The following RGS7 variants were observed in gnomAD, a reference collection of about 807,000 sequenced individuals.
The protein encoded by RGS7 is regulator of G protein signaling 7, also known as regulator of G-protein signaling 7.
In RGS7, 27 loss-of-function variants were observed where a neutral mutation model predicts 81.1. The ratio of observed to expected loss-of-function variants is 0.33; its 90% confidence interval spans 0.25 to 0.46. RGS7 has a LOEUF of 0.46. Among genes scored for constraint, RGS7 ranks in the 20% least tolerant of loss-of-function variants. RGS7 has a pLI of 1.00. For synonymous variants in RGS7, 208 were observed against 207.7 expected (o/e 1.00, Z -0.01); for missense variants, 396 against 607.4 (o/e 0.65, Z 3.66).
At chr1:241,201,550 T>C (rs1340997935) in intron 2 of RGS7, among the ~76,000 whole-genome samples, 1 of 152,176 alleles carries the variant, frequency 6.6e-6, no homozygotes, top group Admixed American at 6.5e-5. Context: ...GTGATATGTA[T>C]CCTTAAATTT....
chr1:241,039,210 G>A (rs1345169354), intron 3 of RGS7, among the ~76,000 whole-genome samples: 4 of 152,144 alleles, frequency 2.6e-5, no homozygotes, highest in African/African-American at 9.7e-5. Context: ...AATGCTGTCT[G>A]CCTCCCATTC....
intron 2 of RGS7, among the ~76,000 whole-genome samples, chr1:241,116,822 TTATATGA>T (rs1367582955): frequency 8.5e-5 from 13 of 152,178 alleles, no homozygotes; most frequent in African/African-American, 3.1e-4. Context: ...CTATTTGAAA[TTATATGA>T]TATATGTTAT....
intron 9 of RGS7, among the ~76,000 whole-genome samples, chr1:240,832,635 T>C (rs1334213554): frequency 6.6e-6 from 1 of 152,008 alleles, no homozygotes; most frequent in Non-Finnish European, 1.5e-5. Flanking sequence ...AAGGTACACT[T>C]GTGTTCAAGA....
chr1:241,116,632 AT>A (rs1355443390), intron 2 of RGS7, among the ~76,000 whole-genome samples: 1 of 152,140 alleles, frequency 6.6e-6, no homozygotes, highest in African/African-American at 2.4e-5. Flanking sequence ...TTTGACCTCT[AT>A]TTTTATATAC....
At chr1:241,128,398 A>G (rs2066837127) in intron 2 of RGS7, among the ~76,000 whole-genome samples, 1 of 152,108 alleles carries the variant, frequency 6.6e-6, no homozygotes, top group South Asian at 2.1e-4. Context: ...AGCCTGGCCA[A>G]CATGGTAAAA....
intron 2 of RGS7, among the ~76,000 whole-genome samples, chr1:241,348,932 A>G (rs966107893): frequency 1.3e-5 from 2 of 152,214 alleles, no homozygotes; most frequent in African/African-American, 4.8e-5. Context: ...ATCAAAAAAT[A>G]TGGTAACATA....
rs1050460725 is a variant in RGS7, at chr1:240,868,134, GAAAGAAAGAAAGAAAGAA to G, written c.609+435_609+452del. On this transcript the variant is annotated intron_variant, in intron 9 of 18. Coordinates refer to ENST00000440928, the MANE Select transcript of RGS7 (RefSeq NM_001364886.1). This position sits in a 1 kb window ranked among gnomAD's most constrained non-coding sequence, Gnocchi z 5.1. The stretch of plus-strand genomic sequence containing the variant: ...AAAGAAAAGGAAAGAAAGAAAGAAA[GAAAGAAAGAAAGAAAGAA>G]AGAAAGGACGGAGGGAGGGAAGGAC... Among the ~76,000 whole-genome samples, 76 of 117,208 alleles carry G rather than the reference GAAAGAAAGAAAGAAAGAA, an allele frequency of 6.5e-4. No individual in the cohort carries two copies. Among genetic ancestry groups the G allele is most frequent in the African/African-American group, 3.6e-3 (71 of 19,876 alleles). The allele number at this position is 117,208 out of a possible 152,430, so 76.9% of individuals were successfully genotyped here.
At chr1:241,192,381 C>T (rs2072756755) in intron 2 of RGS7, among the ~76,000 whole-genome samples, 1 of 152,052 alleles carries the variant, frequency 6.6e-6, no homozygotes, top group Admixed American at 6.6e-5. Flanking sequence ...TAAGAACTCA[C>T]TGCCATGTGG....
intron 6 of RGS7, among the ~76,000 whole-genome samples, chr1:240,906,038 C>T (rs900983377): frequency 6.6e-6 from 1 of 152,152 alleles, no homozygotes; most frequent in Non-Finnish European, 1.5e-5. Flanking sequence ...CATAGTCCTA[C>T]CACCCATATT....
At chr1:241,056,405 G>A (rs553051811) in intron 3 of RGS7, among the ~76,000 whole-genome samples, 2 of 152,122 alleles carry the variant, frequency 1.3e-5, no homozygotes, top group African/African-American at 4.8e-5. Context: ...ATTCATTTAC[G>A]TTTTTGTGTG....
At chr1:241,248,553 T>C (rs1002435164) in intron 2 of RGS7, among the ~76,000 whole-genome samples, 5 of 152,026 alleles carry the variant, frequency 3.3e-5, no homozygotes, top group African/African-American at 1.2e-4. Context: ...TGATCTTCGT[T>C]ACTTTGTCCC....
intron 2 of RGS7, among the ~76,000 whole-genome samples, chr1:241,310,364 A>T (rs2080436306): frequency 2.7e-5 from 4 of 150,740 alleles, no homozygotes; most frequent in Non-Finnish European, 4.4e-5. Flanking sequence ...AAGGTGTGAG[A>T]GTGTGTGTGT....
At chr1:241,213,385 T>C (rs2074365209) in intron 2 of RGS7, among the ~76,000 whole-genome samples, 1 of 152,118 alleles carries the variant, frequency 6.6e-6, no homozygotes, top group Non-Finnish European at 1.5e-5. Flanking sequence ...GCGAACCAAA[T>C]ATGACAGGAG....
intron 2 of RGS7, among the ~76,000 whole-genome samples, chr1:241,117,998 G>A (rs2065987936): frequency 6.6e-6 from 1 of 152,122 alleles, no homozygotes; most frequent in South Asian, 2.1e-4. Context: ...TCATGACCCA[G>A]CACATACATG....
Position 241,167,709 on chromosome 1 carries a change from G to A in RGS7, c.79-68947C>T, listed in dbSNP as rs144467206. Among the ~76,000 whole-genome samples the A allele has an allele frequency of 3.5e-3, 524 of 151,450 alleles. 6 individuals carry two copies. The highest frequency in any genetic ancestry group is 0.012 in the African/African-American group (481 of 41,262). On this transcript the variant is annotated intron_variant, in intron 2 of 18. Transcript: ENST00000440928. ...AATTTTTTGCATTTTTAGTAGAGAC[G>A]GGGTTTCATCATGTTGGCCAGGCTT...
chr1:241,201,547 G>A (rs1450055186), intron 2 of RGS7, among the ~76,000 whole-genome samples: 8 of 152,126 alleles, frequency 5.3e-5, no homozygotes, highest in Admixed American at 4.6e-4. Context: ...AAAGTGATAT[G>A]TATCCTTAAA....
rs566772581 is a variant in RGS7, at chr1:241,017,499, CT to C, written c.176-34371del. 1.1e-4 allele frequency among the ~76,000 whole-genome samples: 16 copies of C among 150,988 alleles called. No homozygotes were observed. The East Asian group carries it at 1.2e-3, about 11-fold the overall frequency. ...TATTTAACTTTACCTTCAATTATGCCTTTTTTTTATGTTGCTTCTTTGTGTA... is the reference window on the plus strand; with the variant it reads ...TATTTAACTTTACCTTCAATTATGCCTTTTTTTATGTTGCTTCTTTGTGTA... On this transcript the variant is annotated intron_variant, in intron 3 of 18. Transcript: ENST00000440928.
chr1:241,337,900 C>A (rs1573743900), intron 2 of RGS7, among the ~76,000 whole-genome samples: 2 of 152,202 alleles, frequency 1.3e-5, no homozygotes, highest in East Asian at 3.9e-4. Context: ...TATAATTGTG[C>A]TAGTATTTTC....
intron 3 of RGS7, among the ~76,000 whole-genome samples, chr1:241,094,612 A>T (rs2064122991): frequency 1.5e-5 from 2 of 135,052 alleles, no homozygotes; most frequent in African/African-American, 3.1e-5. Context: ...CTAAAACCAA[A>T]ACAAAAACAA....
Sources: gnomAD v4.1 joint callset for allele counts (sites outside exome capture counted in the v4.1 genomes callset) on GRCh38, gnomAD v4.1.1 for gene constraint, Gnocchi (gnomAD v3.1) non-coding constraint, MANE v1.5 for transcripts, NCBI Gene and HGNC (gene_info 2026-07-23, HGNC 2026-07-21) for gene names.